The following LCMT1 variants were observed in gnomAD, a reference collection of about 807,000 sequenced individuals.
The protein encoded by LCMT1 is [Phosphatase 2A protein]-leucine-carboxy methyltransferase 1.
In LCMT1, 32 loss-of-function variants were observed where a neutral mutation model predicts 47.7. That is an observed-to-expected ratio of 0.67 (90% CI 0.51 to 0.90). LCMT1 has a LOEUF of 0.90. Ranked by LOEUF, LCMT1 falls within the 40% of genes least tolerant of loss-of-function variation. The pLI is 0.00. For missense variants in LCMT1, 375 were observed against 415.2 expected (o/e 0.90, Z 0.84); for synonymous variants, 152 against 149.7 (o/e 1.02, Z -0.11).
chr16:25,131,097 C>A (rs1960338000), intron 2 of LCMT1, among the ~76,000 whole-genome samples: 1 of 152,234 alleles, frequency 6.6e-6, no homozygotes, highest in South Asian at 2.1e-4. Context: ...TTATTCTCAG[C>A]CAGATTGAGA....
Position 25,118,999 on chromosome 16 carries a change from T to C in LCMT1, c.113+7003T>C, listed in dbSNP as rs182704625. Among the ~76,000 whole-genome samples, 68 of 152,244 alleles carry C rather than the reference T, an allele frequency of 4.5e-4. No homozygotes were observed. In the East Asian group the frequency reaches 7.7e-3, roughly 17 times the overall value. On this transcript the variant is annotated intron_variant, in intron 1 of 10. Transcript: ENST00000399069. Reference sequence around the variant, plus strand: ...GTTTTAATAGCATTGCTTCAGCCTCTGTTAGGAGCAGACTGCAGAGTTAAG... The same window carrying C: ...GTTTTAATAGCATTGCTTCAGCCTCCGTTAGGAGCAGACTGCAGAGTTAAG...
Position 25,113,027 on chromosome 16 carries a change from G to C in LCMT1, c.113+1031G>C, listed in dbSNP as rs1318110710. Among the ~76,000 whole-genome samples the C allele has an allele frequency of 2.6e-5, 4 of 151,438 alleles. No individual in the cohort carries two copies. In the Admixed American group the frequency reaches 2.6e-4, roughly 10 times the overall value. ...GTGGTGGCGGGCGCCTGTAATCCCA[G>C]CTACTCGGGAGGCTGAGGCCGGAGA... On this transcript the variant is annotated intron_variant, in intron 1 of 10. Transcript: ENST00000399069.
chr16:25,161,057 A>G (rs549084130), intron 5 of LCMT1, 45 bp from the exon 6 acceptor site: 92 of 1,196,488 alleles, frequency 7.7e-5, no homozygotes, highest in Non-Finnish European at 1.1e-4. Context: ...ATAACTTTGG[A>G]AAAGACATAT....
intron 1 of LCMT1, among the ~76,000 whole-genome samples, chr16:25,112,200 A>G (rs1959642058): frequency 1.3e-5 from 2 of 152,210 alleles, no homozygotes; most frequent in South Asian, 4.1e-4. Context: ...TGAGCCAGGC[A>G]GGGGGCCAGC....
chr16:25,112,808 C>G (rs10852283), intron 1 of LCMT1, among the ~76,000 whole-genome samples: 105,111 of 151,956 alleles, frequency 0.69, 36,439 homozygotes, highest in Middle Eastern at 0.76. Context: ...CTGACAAATA[C>G]GGCAGTGCCA....
chr16:25,167,319 G>A (rs2141707894), intron 7 of LCMT1, among the ~76,000 whole-genome samples: 1 of 151,336 alleles, frequency 6.6e-6, no homozygotes, highest in Admixed American at 6.6e-5. Context: ...CCTTTTTTTT[G>A]GTCTTTTTTT....
Position 25,132,414 on chromosome 16 carries a change from G to C in LCMT1, c.218G>C (p.Arg73Pro). ...APEINRGYFA[R>P]VHGVSQLIKA... ...CCCTCCCCCCTAGGATATTTTGCTC[G>C]AGTCCATGGTGTCAGTCAGCTTATA... Residue 73 changes from arginine (R) to proline (P), a missense_variant, in exon 3 of 11, where the codon CGA (arginine) becomes CCA (proline). Transcript: ENST00000399069. 1 of 1,613,540 alleles carries C rather than the reference G, an allele frequency of 6.2e-7. No individual in the cohort carries two copies. The highest frequency in any genetic ancestry group is 8.5e-7 in the Non-Finnish European group (1 of 1,179,766).
intron 10 of LCMT1, among the ~76,000 whole-genome samples, chr16:25,177,132 A>G (rs899214786): frequency 1.1e-5 from 1 of 94,560 alleles, no homozygotes; most frequent in Non-Finnish European, 2.4e-5. Flanking sequence ...GTGAGCTGAG[A>G]TGGCACCACT....
intron 6 of LCMT1, among the ~76,000 whole-genome samples, chr16:25,161,998 G>A (rs1961446202): frequency 6.6e-6 from 1 of 152,080 alleles, no homozygotes; most frequent in African/African-American, 2.4e-5. Context: ...ACAAGGATGT[G>A]GGGGATAGGG....
intron 5 of LCMT1, among the ~76,000 whole-genome samples, chr16:25,152,646 A>G (rs748490036): frequency 1.3e-5 from 2 of 152,182 alleles, no homozygotes; most frequent in Non-Finnish European, 2.9e-5. Flanking sequence ...ACGTGGTAAC[A>G]TTAGGCCATG....
At chr16:25,159,979 T>TTA (rs1961371611) in intron 5 of LCMT1, among the ~76,000 whole-genome samples, 2 of 151,518 alleles carry the variant, frequency 1.3e-5, no homozygotes, top group Admixed American at 6.6e-5. Flanking sequence ...TTTTTTTTTT[T>TTA]AACTGAGATG....
In LCMT1 at chr16:25,169,177, G is replaced by A; in HGVS notation, c.756G>A (p.Leu252=). The change falls in exon 8 of 11, where the codon CTG becomes CTA. Residue 252 remains leucine (L), a synonymous_variant. Transcript: ENST00000399069. ...ACCTGCGGAGACGCCAGTGTGACCT[G>A]GCGGGAGTGGAGACCTGCAAGTCAT... ...IENLRRRQCD[L]AGVETCKSLE... The A allele has an allele frequency of 1.2e-6, 2 of 1,613,518 alleles. No homozygotes were observed. The highest frequency in any genetic ancestry group is 1.7e-6 in the Non-Finnish European group (2 of 1,179,648).
intron 2 of LCMT1, chr16:25,132,178 A>G (rs148117144): frequency 3.6e-6 from 2 of 553,812 alleles, no homozygotes; most frequent in Non-Finnish European, 6.6e-6. Context: ...AAGGTAGTTA[A>G]TTGCTTCATG....
chr16:25,153,593 G>A (rs900118093), intron 5 of LCMT1, among the ~76,000 whole-genome samples: 2 of 151,562 alleles, frequency 1.3e-5, no homozygotes, highest in Non-Finnish European at 2.9e-5. Context: ...CCAACACAAC[G>A]AACTTCGGAG....
At chr16:25,123,955 C>T (rs1270370377) in intron 1 of LCMT1, among the ~76,000 whole-genome samples, 1 of 152,064 alleles carries the variant, frequency 6.6e-6, no homozygotes, top group African/African-American at 2.4e-5. Context: ...ATGTTGACTT[C>T]CAAAGGTTTT....
At chr16:25,113,974 C>G (rs1244219749) in intron 1 of LCMT1, among the ~76,000 whole-genome samples, 1 of 152,176 alleles carries the variant, frequency 6.6e-6, no homozygotes, top group African/African-American at 2.4e-5. Context: ...ATAAAGGTAA[C>G]CTTTATGGGT....
chr16:25,131,719 G>A (rs1398911956), intron 2 of LCMT1, among the ~76,000 whole-genome samples: 3 of 152,014 alleles, frequency 2.0e-5, no homozygotes, highest in Admixed American at 6.6e-5. Flanking sequence ...CCCTCCACCC[G>A]AAAACTTAAC....
At chr16:25,169,279 C>T (rs1038766175) in intron 8 of LCMT1, 66 bp downstream of exon 8, 10 of 1,085,520 alleles carry the variant, frequency 9.2e-6, no homozygotes, top group Non-Finnish European at 1.4e-5. Flanking sequence ...AAAGGTCTTT[C>T]TTTGCAGATG....
chr16:25,151,677 G>C, intron 5 of LCMT1, 62 bp downstream of exon 5: 1 of 1,274,050 alleles, frequency 7.8e-7, no homozygotes, highest in Non-Finnish European at 1.1e-6. Flanking sequence ...CCCCCTTTTT[G>C]AAGATGGGGT....
Sources: gnomAD v4.1 joint callset for allele counts (sites outside exome capture counted in the v4.1 genomes callset) on GRCh38, gnomAD v4.1.1 for gene constraint, MANE v1.5 for transcripts, NCBI Gene and HGNC (gene_info 2026-07-23, HGNC 2026-07-21) for gene names.